HOMER1: variants seen among roughly 807,000 people sequenced by gnomAD.
HOMER1 encodes the protein homer protein homolog 1.
HOMER1 carries 3 observed loss-of-function variants against 48.9 expected under a neutral mutation model. The ratio of observed to expected loss-of-function variants is 0.06; its 90% CI spans 0.03 to 0.16. HOMER1 has a LOEUF of 0.16. Among genes scored for constraint, HOMER1 ranks in the 10% least tolerant of loss-of-function variants. The probability of loss-of-function intolerance (pLI) is 1.00; values close to 1 mark genes in which losing one functional copy is unlikely to be tolerated. For missense variants in HOMER1, 247 were observed against 411.4 expected (o/e 0.60, Z 3.46); for synonymous variants, 134 against 146.4 (o/e 0.92, Z 0.61).
chr5:79,418,305 A>T (rs1749999452), intron 5 of HOMER1, among the ~76,000 whole-genome samples: 1 of 152,206 alleles, frequency 6.6e-6, no homozygotes, highest in Non-Finnish European at 1.5e-5. Flanking sequence ...CGCAGCTATT[A>T]TCAAAAGAGG....
chr5:79,471,519 T>C (rs1751618767), intron 1 of HOMER1, among the ~76,000 whole-genome samples: 1 of 132,386 alleles, frequency 7.6e-6, no homozygotes, highest in Non-Finnish European at 1.5e-5. Flanking sequence ...TGCACCCCAG[T>C]CTGGGGAATA....
chr5:79,503,117 T>C (rs1752650708), intron 1 of HOMER1, among the ~76,000 whole-genome samples: 2 of 152,204 alleles, frequency 1.3e-5, no homozygotes. Flanking sequence ...TCAAAAACTT[T>C]ACTCATAACC....
At chr5:79,447,714 T>C (rs1229140715) in intron 3 of HOMER1, among the ~76,000 whole-genome samples, 1 of 152,194 alleles carries the variant, frequency 6.6e-6, no homozygotes, top group African/African-American at 2.4e-5. Context: ...AAAGGAATAA[T>C]ACTCAGTGGT....
intron 4 of HOMER1, among the ~76,000 whole-genome samples, chr5:79,442,902 C>T (rs1750774814): frequency 6.6e-6 from 1 of 152,202 alleles, no homozygotes; most frequent in Non-Finnish European, 1.5e-5. Context: ...TATAGTTAGT[C>T]ACCATCCAGA....
intron 8 of HOMER1, among the ~76,000 whole-genome samples, chr5:79,383,804 T>C (rs1248858179): frequency 6.6e-6 from 1 of 152,160 alleles, no homozygotes. Context: ...TCGTATTAAT[T>C]ATCTTCTCAG....
Position 79,488,146 on chromosome 5 carries a change from C to G in HOMER1, c.5+24624G>C, listed in dbSNP as rs562698118. On this transcript the variant is annotated intron_variant, in intron 1 of 8. Coordinates refer to ENST00000334082, the MANE Select transcript of HOMER1 (RefSeq NM_004272.5). ...TCCAGCAGGAATGACAGGCTAATGA[C>G]TAAGTATAAAACCTCCTCCAGGGTT... is the stretch of plus-strand genomic sequence containing the variant. Among the ~76,000 whole-genome samples, 14 of 152,298 alleles carry G rather than the reference C, an allele frequency of 9.2e-5. No homozygotes were observed. In the South Asian group the frequency reaches 2.9e-3, roughly 32 times the overall value.
chr5:79,508,434 A>C (rs1291607526), intron 1 of HOMER1, among the ~76,000 whole-genome samples: 1 of 152,228 alleles, frequency 6.6e-6, no homozygotes, highest in African/African-American at 2.4e-5. Flanking sequence ...AAAAACCTCT[A>C]AACACACTAA....
chr5:79,471,412 G>A (rs1015000991), intron 1 of HOMER1, among the ~76,000 whole-genome samples: 4 of 151,958 alleles, frequency 2.6e-5, no homozygotes, highest in South Asian at 2.1e-4. Flanking sequence ...CGGGCATGGT[G>A]GCATGTACCT....
chr5:79,512,722 C>G, intron 1 of HOMER1, 48 bp downstream of exon 1: 1 of 1,584,582 alleles, frequency 6.3e-7, no homozygotes, highest in Non-Finnish European at 8.7e-7. Context: ...CTCAATAATA[C>G]ACATACATAA....
intron 7 of HOMER1, among the ~76,000 whole-genome samples, chr5:79,397,324 A>G (rs1420473228): frequency 6.6e-5 from 10 of 152,148 alleles, no homozygotes; most frequent in Non-Finnish European, 1.2e-4. Context: ...TCTCGGTCTG[A>G]CTGCCTCACC....
chr5:79,431,218 G>T (rs1213157858), intron 5 of HOMER1, among the ~76,000 whole-genome samples: 1 of 152,120 alleles, frequency 6.6e-6, no homozygotes, highest in Non-Finnish European at 1.5e-5. Context: ...AGCTACTTGG[G>T]AGGCTGAGGA....
intron 5 of HOMER1, among the ~76,000 whole-genome samples, chr5:79,406,982 A>AG (rs1749676750): frequency 6.6e-6 from 1 of 152,240 alleles, no homozygotes; most frequent in Non-Finnish European, 1.5e-5. Flanking sequence ...CTTCCACTGC[A>AG]GGAAGGTCAA....
intron 1 of HOMER1, among the ~76,000 whole-genome samples, chr5:79,508,918 T>C (rs576087824): frequency 6.6e-6 from 1 of 152,236 alleles, no homozygotes; most frequent in African/African-American, 2.4e-5. Context: ...ACACGCACTA[T>C]AACAAAGGTT....
intron 1 of HOMER1, among the ~76,000 whole-genome samples, chr5:79,481,992 G>C (rs1751962717): frequency 6.6e-6 from 1 of 152,168 alleles, no homozygotes; most frequent in South Asian, 2.1e-4. Flanking sequence ...GCCAAGGCAG[G>C]CAGATCACTT....
At chr5:79,438,424 ATTC>A (rs958335559) in intron 5 of HOMER1, among the ~76,000 whole-genome samples, 5 of 152,234 alleles carry the variant, frequency 3.3e-5, no homozygotes, top group Non-Finnish European at 5.9e-5. Context: ...AGAGAAACAG[ATTC>A]TTTTAAAATT....
At chr5:79,472,581 C>T (rs1319408287) in intron 1 of HOMER1, among the ~76,000 whole-genome samples, 1 of 151,716 alleles carries the variant, frequency 6.6e-6, no homozygotes, top group Non-Finnish European at 1.5e-5. Flanking sequence ...TTAAGACCAA[C>T]CTGGACCACG....
intron 1 of HOMER1, among the ~76,000 whole-genome samples, chr5:79,489,697 T>C (rs894558538): frequency 3.3e-5 from 5 of 152,234 alleles, no homozygotes; most frequent in Admixed American, 6.5e-5. Context: ...TTCATCTACA[T>C]GAAAAATCTA....
At chr5:79,389,422 G>A (rs1749192296) in intron 8 of HOMER1, among the ~76,000 whole-genome samples, 1 of 152,178 alleles carries the variant, frequency 6.6e-6, no homozygotes, top group Admixed American at 6.5e-5. Context: ...TGATTTGAAT[G>A]TGTCCCCTCC....
At chr5:79,433,683 A>G (rs1048071180) in intron 5 of HOMER1, among the ~76,000 whole-genome samples, 10 of 152,222 alleles carry the variant, frequency 6.6e-5, no homozygotes, top group Admixed American at 6.5e-4. Flanking sequence ...TTTAAGCAGC[A>G]TTTAGTTAAA....
Sources: allele counts gnomAD v4.1 joint callset (sites outside exome capture counted in the v4.1 genomes callset), GRCh38; gene constraint gnomAD v4.1.1; transcripts MANE v1.5; gene names NCBI Gene and HGNC (gene_info 2026-07-23, HGNC 2026-07-21).